CCDC148: variants seen among roughly 807,000 people sequenced by gnomAD.
The protein encoded by CCDC148 is coiled-coil domain containing 148.
CCDC148 carries 89 observed loss-of-function variants against 85.7 expected under a neutral mutation model. That is an observed-to-expected ratio of 1.04 (90% CI 0.87 to 1.24). CCDC148 has a LOEUF of 1.24. CCDC148 is among the 50% of genes most tolerant of loss of function. The probability of loss-of-function intolerance (pLI) is 0.00; values close to 1 mark genes in which losing one functional copy is unlikely to be tolerated. For missense variants in CCDC148, 692 were observed against 671.7 expected (o/e 1.03, Z -0.33); for synonymous variants, 230 against 213.9 (o/e 1.08, Z -0.66).
intron 11 of CCDC148, among the ~76,000 whole-genome samples, chr2:158,212,424 G>T (rs1686628499): frequency 6.6e-6 from 1 of 152,110 alleles, no homozygotes; most frequent in South Asian, 2.1e-4. Context: ...TTTGCACATT[G>T]TTAAGAAAAG....
chr2:158,261,210 G>A (rs1287155253), intron 9 of CCDC148, among the ~76,000 whole-genome samples: 1 of 151,840 alleles, frequency 6.6e-6, no homozygotes, highest in African/African-American at 2.4e-5. Context: ...CCAGAAACAA[G>A]GATGCACACC....
intron 2 of CCDC148, among the ~76,000 whole-genome samples, chr2:158,349,486 T>C (rs1345844765): frequency 6.6e-6 from 1 of 151,940 alleles, no homozygotes; most frequent in African/African-American, 2.4e-5. Context: ...GATACTATTA[T>C]AATAATAATT....
Position 158,313,913 on chromosome 2 carries a change from T to C in CCDC148, c.765-19A>G. The C allele has an allele frequency of 6.2e-7, 1 of 1,607,718 alleles. No homozygotes were observed. The highest frequency in any genetic ancestry group is 2.2e-5 in the East Asian group (1 of 44,698). ...ACAGTTTCTAGAAGCAACAAAAATGTCACAACATATTATTGAGCAATCATG... is the reference window on the plus strand; with the variant it reads ...ACAGTTTCTAGAAGCAACAAAAATGCCACAACATATTATTGAGCAATCATG... On this transcript the variant is annotated intron_variant, in intron 7 of 13. Transcript: ENST00000283233.
chr2:158,176,373 T>G lies in CCDC148; in HGVS notation c.1629+148A>C, dbSNP rs1039160874. The G allele has an allele frequency of 6.0e-6, 4 of 668,998 alleles. No homozygotes were observed. The Admixed American group carries it at 1.4e-4, about 23-fold the overall frequency. 41.4% of individuals were successfully genotyped at this position (668,998 alleles called of 1,614,324 possible). On this transcript the variant is annotated intron_variant, in intron 13 of 13. Transcript: ENST00000283233. ...AATATTAAGAATTATGTAGTAATTATGTACTATCATTTAGAAGTAAAAATT... is the reference window on the plus strand; with the variant it reads ...AATATTAAGAATTATGTAGTAATTAGGTACTATCATTTAGAAGTAAAAATT...
intron 11 of CCDC148, among the ~76,000 whole-genome samples, chr2:158,219,410 A>G (rs1039198125): frequency 1.3e-5 from 2 of 152,158 alleles, no homozygotes; most frequent in Non-Finnish European, 2.9e-5. Context: ...TGGACCCTCT[A>G]TCTATCCCTA....
intron 13 of CCDC148, 70 bp from the exon 14 acceptor site, chr2:158,172,329 T>C (rs935807576): frequency 3.3e-6 from 4 of 1,226,164 alleles, no homozygotes; most frequent in South Asian, 2.8e-5. Flanking sequence ...TTTAGTTCCA[T>C]GTTTTCCCAA....
At chr2:158,354,467 A>G (rs982810803) in intron 2 of CCDC148, among the ~76,000 whole-genome samples, 2 of 151,636 alleles carry the variant, frequency 1.3e-5, no homozygotes, top group African/African-American at 4.8e-5. Flanking sequence ...CAAATAAACT[A>G]GAAAATCTAG....
rs562117379 is a variant in CCDC148, at chr2:158,236,629, A to C, written c.1251+14143T>G. On this transcript the variant is annotated intron_variant, in intron 10 of 13. Transcript: ENST00000283233. ...TAGAACCAAGGTGATTTTTGCAATC[A>C]TTTAATCAAAACACCTCATTTTACA... is the stretch of plus-strand genomic sequence containing the variant. 5.9e-5 allele frequency among the ~76,000 whole-genome samples: 9 copies of C among 152,272 alleles called. No homozygotes were observed. The South Asian group carries it at 1.9e-3, about 32-fold the overall frequency.
chr2:158,318,067 A>AT (rs1559066816), intron 7 of CCDC148, among the ~76,000 whole-genome samples: 1 of 151,926 alleles, frequency 6.6e-6, no homozygotes. Flanking sequence ...TCACCTTTCA[A>AT]TTTTTTCTTT....
chr2:158,255,508 G>C (rs1688976414), intron 9 of CCDC148, among the ~76,000 whole-genome samples: 1 of 151,708 alleles, frequency 6.6e-6, no homozygotes, highest in Admixed American at 6.6e-5. Flanking sequence ...AAGGGATGTG[G>C]ATGGCTTCCA....
rs189077325 is a variant in CCDC148 at position 158,447,622 on chromosome 2, C to T, written c.25+8793G>A. Reference sequence around the variant, plus strand: ...CATTTTACTGGTAGTGTACTGGTATCGTATTGTGGTTGTAATTTGCATTTC... The same window carrying T: ...CATTTTACTGGTAGTGTACTGGTATTGTATTGTGGTTGTAATTTGCATTTC... On this transcript the variant is annotated intron_variant, in intron 1 of 13. Coordinates refer to ENST00000283233, the MANE Select transcript of CCDC148 (RefSeq NM_138803.4). Among the ~76,000 whole-genome samples the T allele has an allele frequency of 1.8e-3, 267 of 152,202 alleles. 1 individual carries two copies. The highest frequency in any genetic ancestry group is 2.1e-3 in the Non-Finnish European group (141 of 67,986).
intron 1 of CCDC148, among the ~76,000 whole-genome samples, chr2:158,423,477 A>G (rs1686908624): frequency 6.6e-6 from 1 of 152,222 alleles, no homozygotes; most frequent in African/African-American, 2.4e-5. Flanking sequence ...AAGGATCCCT[A>G]TTTAATAAAT....
chr2:158,260,059 T>C (rs753763932), intron 9 of CCDC148, among the ~76,000 whole-genome samples: 7 of 151,992 alleles, frequency 4.6e-5, no homozygotes, highest in Non-Finnish European at 1.0e-4. Context: ...TAAATTGTTT[T>C]ATTAATCAAT....
intron 7 of CCDC148, among the ~76,000 whole-genome samples, chr2:158,338,338 A>C (rs1020539088): frequency 6.6e-6 from 1 of 152,170 alleles, no homozygotes; most frequent in Non-Finnish European, 1.5e-5. Context: ...TCATAGGATA[A>C]AATTACAGTC....
chr2:158,224,470 C>T lies in CCDC148; in HGVS notation c.1252-3757G>A, dbSNP rs182364500. ...AATTCAGGAAATACAGAGAATGCCA[C>T]AAAGATACTCCTTGAGAAGAGCAAC... is the stretch of plus-strand genomic sequence containing the variant. On this transcript the variant is annotated intron_variant, in intron 10 of 13. Coordinates refer to ENST00000283233, the MANE Select transcript of CCDC148 (RefSeq NM_138803.4). Among the ~76,000 whole-genome samples the T allele has an allele frequency of 4.7e-3, 721 of 152,192 alleles. 1 individual carries two copies. Among genetic ancestry groups the T allele is most frequent in the African/African-American group, 0.016 (656 of 41,520 alleles).
Position 158,456,401 on chromosome 2 carries a change from G to C in CCDC148, c.25+14C>G. Reference sequence around the variant, plus strand: ...GGAGGAAGCAGCGATGGAAGGGATGGGGTGCAAACTCACCTGGAGAAGCAG... The same window carrying C: ...GGAGGAAGCAGCGATGGAAGGGATGCGGTGCAAACTCACCTGGAGAAGCAG... On this transcript the variant is annotated intron_variant, in intron 1 of 13. Coordinates refer to ENST00000283233, the MANE Select transcript of CCDC148 (RefSeq NM_138803.4). 6.2e-7 allele frequency: 1 copy of C among 1,611,180 alleles called. No homozygotes were observed. Among genetic ancestry groups the C allele is most frequent in the Non-Finnish European group, 8.5e-7 (1 of 1,178,738 alleles).
At chr2:158,318,116 T>C (rs1312651179) in intron 7 of CCDC148, among the ~76,000 whole-genome samples, 4 of 152,202 alleles carry the variant, frequency 2.6e-5, no homozygotes, top group Non-Finnish European at 5.9e-5. Context: ...CTAATCAGCC[T>C]GGTTTCTTCA....
intron 7 of CCDC148, among the ~76,000 whole-genome samples, chr2:158,332,000 A>G (rs973186841): frequency 7.9e-5 from 12 of 152,200 alleles, no homozygotes; most frequent in African/African-American, 2.4e-4. Flanking sequence ...CATTTAGCCC[A>G]TTTACATTTA....
intron 7 of CCDC148, among the ~76,000 whole-genome samples, chr2:158,330,732 T>C (rs1410686917): frequency 1.3e-5 from 2 of 152,154 alleles, no homozygotes; most frequent in African/African-American, 4.8e-5. Context: ...CCTGGTTTAG[T>C]TTTGGGAGGG....
Sources: gnomAD v4.1 joint callset for allele counts (sites outside exome capture counted in the v4.1 genomes callset) on GRCh38, gnomAD v4.1.1 for gene constraint, MANE v1.5 for transcripts, NCBI Gene and HGNC (gene_info 2026-07-23, HGNC 2026-07-21) for gene names.